ANO2: variants seen among roughly 807,000 people sequenced by gnomAD.
The protein encoded by ANO2 is anoctamin-2.
ANO2 carries 101 observed loss-of-function variants against 124.2 expected under a neutral mutation model. The ratio of observed to expected loss-of-function variants is 0.81; its 90% CI spans 0.69 to 0.96. ANO2 has a LOEUF of 0.96. Ranked by LOEUF, ANO2 falls within the 40% of genes least tolerant of loss-of-function variation. The pLI, the probability that ANO2 is intolerant of heterozygous loss-of-function variation, is 0.00. For synonymous variants in ANO2, 486 were observed against 482.5 expected, an observed-to-expected ratio of 1.01 and a Z score of -0.09; for missense variants, 1,293 against 1,274.5, an observed-to-expected ratio of 1.01 and a Z score of -0.22.
intron 11 of ANO2, among the ~76,000 whole-genome samples, chr12:5,749,132 A>G (rs1005333078): frequency 6.6e-6 from 1 of 152,242 alleles, no homozygotes; most frequent in African/African-American, 2.4e-5. Context: ...GTAGGCAGGA[A>G]GCAGGTGAGC....
chr12:5,769,058 C>T lies in ANO2; in HGVS notation c.1056-18088G>A, dbSNP rs1193260702. ...CTTATGTCCTGACAGCTGGAAACAA[C>T]ACAGCAAATGGGATGAGAACTGCTC... On this transcript the variant is annotated intron_variant, in intron 10 of 24. Transcript: ENST00000682330. This position sits in a 1 kb window ranked among gnomAD's most constrained non-coding sequence, Gnocchi z 4.0. 6.6e-6 allele frequency among the ~76,000 whole-genome samples: 1 copy of T among 152,146 alleles called. No homozygotes were observed. Among genetic ancestry groups the T allele is most frequent in the Non-Finnish European group, 1.5e-5 (1 of 68,026 alleles).
chr12:5,724,464 T>C (rs549801342), intron 14 of ANO2, among the ~76,000 whole-genome samples: 2 of 152,168 alleles, frequency 1.3e-5, no homozygotes, highest in Non-Finnish European at 2.9e-5. Flanking sequence ...CCTCATCCCC[T>C]GCTCAATGGG....
chr12:5,649,616 G>C lies in ANO2; in HGVS notation c.1546-1815C>G, dbSNP rs411575. 2.0e-5 allele frequency among the ~76,000 whole-genome samples: 3 copies of C among 151,768 alleles called. No individual in the cohort carries two copies. In the East Asian group the frequency reaches 5.8e-4, roughly 29 times the overall value. On this transcript the variant is annotated intron_variant, in intron 14 of 24. Coordinates refer to ENST00000682330, the MANE Select transcript of ANO2 (RefSeq NM_001364791.2). ...AGTTTTCCTTAAGGGTATTTTTTTG[G>C]GGGGTGGGGATGGAGTCTCACTCTG...
At chr12:5,837,286 C>T in intron 4 of ANO2, among the ~76,000 whole-genome samples, 1 of 117,534 alleles carries the variant, frequency 8.5e-6, no homozygotes, top group African/African-American at 3.3e-5. Context: ...TTAGTTGATG[C>T]AGATTTCTTT....
At chr12:5,592,744 T>G (rs571534554) in intron 20 of ANO2, among the ~76,000 whole-genome samples, 1 of 152,240 alleles carries the variant, frequency 6.6e-6, no homozygotes, top group South Asian at 2.1e-4. Flanking sequence ...AGGGTTCAAA[T>G]AAGAATCCAA....
At chr12:5,616,042 G>A (rs1316953414) in intron 16 of ANO2, among the ~76,000 whole-genome samples, 1 of 152,212 alleles carries the variant, frequency 6.6e-6, no homozygotes, top group South Asian at 2.1e-4. Context: ...AACCTCAGAG[G>A]TGCCTTCAGA....
chr12:5,842,872 A>G (rs941190377), intron 4 of ANO2, among the ~76,000 whole-genome samples: 2 of 152,292 alleles, frequency 1.3e-5, no homozygotes, highest in Admixed American at 1.3e-4. Context: ...AGGTACCACC[A>G]ATTATTTTTT....
intron 19 of ANO2, among the ~76,000 whole-genome samples, chr12:5,609,657 T>G (rs554351678): frequency 6.6e-6 from 1 of 151,774 alleles, no homozygotes; most frequent in African/African-American, 2.4e-5. Flanking sequence ...CCTTTAGTGG[T>G]TCCATTCAGC....
intron 23 of ANO2, among the ~76,000 whole-genome samples, chr12:5,574,029 G>T (rs1942271662): frequency 6.6e-6 from 1 of 152,198 alleles, no homozygotes. Context: ...GGTCATCACT[G>T]CTGCCAACAC....
At chr12:5,632,214 T>C (rs1369115904) in intron 16 of ANO2, among the ~76,000 whole-genome samples, 4 of 151,904 alleles carry the variant, frequency 2.6e-5, no homozygotes, top group East Asian at 1.9e-4. Context: ...CAGTATAAGG[T>C]AGACAAGAGC....
intron 10 of ANO2, among the ~76,000 whole-genome samples, chr12:5,796,879 G>C (rs552396319): frequency 3.3e-5 from 5 of 152,224 alleles, no homozygotes; most frequent in Admixed American, 3.3e-4. Context: ...TGCCCCATGA[G>C]CTCTCAATGG....
intron 14 of ANO2, among the ~76,000 whole-genome samples, chr12:5,693,058 C>T (rs770018558): frequency 1.5e-4 from 23 of 152,104 alleles, no homozygotes; most frequent in Non-Finnish European, 2.9e-4. Context: ...ATCATCATCC[C>T]ATCTCTAAAC....
At chr12:5,765,471 T>C (rs1443495187) in intron 10 of ANO2, among the ~76,000 whole-genome samples, 1 of 152,112 alleles carries the variant, frequency 6.6e-6, no homozygotes, top group Non-Finnish European at 1.5e-5. Context: ...ATATTGTCTA[T>C]GAGATATTAG....
chr12:5,610,635 A>G (rs933367763), intron 19 of ANO2, among the ~76,000 whole-genome samples: 101 of 143,034 alleles, frequency 7.1e-4, no homozygotes, highest in Non-Finnish European at 3.9e-4. Context: ...ATATATATGT[A>G]TATATTTATA....
intron 14 of ANO2, among the ~76,000 whole-genome samples, chr12:5,697,162 G>C (rs1949215214): frequency 6.6e-6 from 1 of 152,164 alleles, no homozygotes; most frequent in Non-Finnish European, 1.5e-5. Context: ...GGCTGGGCAT[G>C]GTGGCTCACA....
In ANO2 at chr12:5,718,950, G is replaced by A. The variant is rs117266036; in HGVS notation, c.1545+13570C>T. 1.1e-3 allele frequency among the ~76,000 whole-genome samples: 162 copies of A among 152,324 alleles called. 2 individuals are homozygous for A. The East Asian group carries it at 0.024, about 23-fold the overall frequency. On this transcript the variant is annotated intron_variant, in intron 14 of 24. Transcript: ENST00000682330. ...CCACCTCCTACTGATGGGAGGTACC[G>A]CAGCTTCCTGCTGATGCTGTCTCTG...
intron 3 of ANO2, among the ~76,000 whole-genome samples, chr12:5,919,591 G>A (rs369696770): frequency 7.9e-5 from 12 of 152,312 alleles, no homozygotes; most frequent in African/African-American, 2.4e-4. Flanking sequence ...ACAAAGACCT[G>A]AGGTCAAGGT....
At chr12:5,899,488 G>A (rs990997069) in intron 3 of ANO2, among the ~76,000 whole-genome samples, 1 of 152,078 alleles carries the variant, frequency 6.6e-6, no homozygotes, top group Non-Finnish European at 1.5e-5. Context: ...CTTCACCTCC[G>A]CAAGCCTCTG....
At chr12:5,863,051 CA>C (rs1417272435) in intron 3 of ANO2, among the ~76,000 whole-genome samples, 1 of 152,164 alleles carries the variant, frequency 6.6e-6, no homozygotes, top group Non-Finnish European at 1.5e-5. Flanking sequence ...GCCATGTAAA[CA>C]CATGCCTTTC....
Sources: gnomAD v4.1 joint callset for allele counts (sites outside exome capture counted in the v4.1 genomes callset) on GRCh38, gnomAD v4.1.1 for gene constraint, Gnocchi (gnomAD v3.1) non-coding constraint, MANE v1.5 for transcripts, NCBI Gene and HGNC (gene_info 2026-07-23, HGNC 2026-07-21) for gene names.